FOXP2: variants seen among roughly 807,000 people sequenced by gnomAD.
FOXP2 encodes forkhead box P2.
In FOXP2, 12 loss-of-function variants were observed where a neutral mutation model predicts 115.8. That is an observed-to-expected ratio of 0.10 (90% confidence interval 0.07 to 0.17). The LOEUF (loss-of-function observed/expected upper bound fraction) is 0.17, where lower values mean the gene tolerates loss of function less well. FOXP2 is among the 10% of genes least tolerant of loss of function. The pLI, the probability that FOXP2 is intolerant of heterozygous loss-of-function variation, is 1.00. For synonymous variants in FOXP2, 328 were observed against 297.7 expected (o/e 1.10, Z -1.05); for missense variants, 629 against 843.5 (o/e 0.75, Z 3.15).
intron 2 of FOXP2, among the ~76,000 whole-genome samples, chr7:114,508,396 A>C (rs1797923477): frequency 1.3e-5 from 2 of 152,044 alleles, no homozygotes; most frequent in South Asian, 4.1e-4. Flanking sequence ...GTGAGCCAAT[A>C]ACTGGGGACA....
intron 3 of FOXP2, among the ~76,000 whole-genome samples, chr7:114,546,490 G>A (rs1055123087): frequency 6.6e-6 from 1 of 152,068 alleles, no homozygotes; most frequent in Non-Finnish European, 1.5e-5. Context: ...AAATGAATAG[G>A]TTGTTTTACA....
intron 1 of FOXP2, among the ~76,000 whole-genome samples, chr7:114,096,409 C>A (rs1799652905): frequency 6.6e-6 from 1 of 152,148 alleles, no homozygotes; most frequent in Non-Finnish European, 1.5e-5. Context: ...GAAAAGTATG[C>A]CTTTAAGTTG....
chr7:114,652,088 C>T, intron 8 of FOXP2, 115 bp from the exon 9 acceptor site: 5 of 914,274 alleles, frequency 5.5e-6, no homozygotes, highest in Non-Finnish European at 8.9e-6. Flanking sequence ...TCAAGGCTTT[C>T]TGTTTTCCCA....
At chr7:114,203,099 T>G (rs1015189019) in intron 1 of FOXP2, among the ~76,000 whole-genome samples, 2 of 151,784 alleles carry the variant, frequency 1.3e-5, no homozygotes, top group African/African-American at 4.8e-5. Context: ...AGATCCTCTT[T>G]CCTCTGGATG....
At position 114,691,144 on chromosome 7, in the gene FOXP2, C is replaced by T; in HGVS notation, c.*1218C>T. ...ATTGCATATTGTTATATATATAGTA[C>T]TTTGTGTTTTTGTTTTCCCTCATTC... On this transcript the variant is annotated 3_prime_UTR_variant, in exon 17 of 17. Transcript: ENST00000350908. 1 of 453,928 alleles carries T rather than the reference C, an allele frequency of 2.2e-6. No homozygotes were observed. The highest frequency in any genetic ancestry group is 4.4e-6 in the Non-Finnish European group (1 of 226,740). The allele number at this position is 453,928 out of a possible 1,614,324, so 28.1% of individuals were successfully genotyped here. A position where few individuals can be genotyped will look rare whatever the true frequency, so the allele number is the denominator to read the frequency against.
chr7:114,679,688 C>G (rs562105620), intron 16 of FOXP2, among the ~76,000 whole-genome samples: 2 of 152,034 alleles, frequency 1.3e-5, no homozygotes, highest in Admixed American at 1.3e-4. Flanking sequence ...TCTCCATTTT[C>G]CCTATTTCTA....
At chr7:114,674,494 T>G in intron 16 of FOXP2, among the ~76,000 whole-genome samples, 1 of 152,362 alleles carries the variant, frequency 6.6e-6, no homozygotes, top group East Asian at 1.9e-4. Context: ...ACTGTCCTAC[T>G]GGCAGCTACT....
intron 9 of FOXP2, among the ~76,000 whole-genome samples, chr7:114,653,041 T>C (rs1438603316): frequency 6.6e-6 from 1 of 152,150 alleles, no homozygotes; most frequent in Non-Finnish European, 1.5e-5. Context: ...CTTTTCTCAA[T>C]GAAACTAATA....
At chr7:114,323,014 T>C (rs2396722) in intron 2 of FOXP2, among the ~76,000 whole-genome samples, 67,935 of 151,934 alleles carry the variant, frequency 0.45, 15,704 homozygotes, top group African/African-American at 0.55. Context: ...CCTAACTCAT[T>C]AATATTCTTA....
chr7:114,127,715 G>T (rs16869678), intron 1 of FOXP2, among the ~76,000 whole-genome samples: 22,261 of 152,050 alleles, frequency 0.15, 2,189 homozygotes, highest in East Asian at 0.39. Flanking sequence ...TTCATAAACT[G>T]CATAGAGATC....
At chr7:114,292,507 C>G (rs1480682510) in intron 2 of FOXP2, among the ~76,000 whole-genome samples, 1 of 152,098 alleles carries the variant, frequency 6.6e-6, no homozygotes, top group East Asian at 1.9e-4. Flanking sequence ...TCTCTTTACT[C>G]TGATATGTAT....
intron 16 of FOXP2, among the ~76,000 whole-genome samples, chr7:114,677,172 C>CAAAAAAAAAAAAA (rs538753120): frequency 1.9e-5 from 1 of 52,904 alleles, no homozygotes. Flanking sequence ...TCTCAAAAAA[C>CAAAAAAAAAAAAA]AAAAAAAAAA....
At chr7:114,526,172 TAA>T (rs3028251) in intron 2 of FOXP2, among the ~76,000 whole-genome samples, 2 of 79,730 alleles carry the variant, frequency 2.5e-5, no homozygotes, top group African/African-American at 5.3e-5. Context: ...GTTTCTTTAT[TAA>T]AAAAAAAAAA....
At chr7:114,628,799 C>G (rs1001040171) in intron 4 of FOXP2, 122 bp downstream of exon 4, 2 of 1,178,398 alleles carry the variant, frequency 1.7e-6, no homozygotes, top group South Asian at 1.3e-5. Flanking sequence ...TATTAGCGTG[C>G]TAGAACATAA....
chr7:114,508,823 G>C (rs973322656), intron 2 of FOXP2, among the ~76,000 whole-genome samples: 5 of 152,068 alleles, frequency 3.3e-5, no homozygotes, highest in Non-Finnish European at 7.4e-5. Flanking sequence ...CTGAGGGATT[G>C]AGGCAGTAGT....
intron 1 of FOXP2, among the ~76,000 whole-genome samples, chr7:114,257,516 C>T (rs535614670): frequency 3.9e-4 from 55 of 142,204 alleles, no homozygotes; most frequent in Middle Eastern, 4.1e-3. Flanking sequence ...TGCAGTGGCA[C>T]GATCTCAGCT....
chr7:114,276,419 C>A (rs528569876), intron 1 of FOXP2, among the ~76,000 whole-genome samples: 2 of 152,154 alleles, frequency 1.3e-5, no homozygotes, highest in South Asian at 4.1e-4. Context: ...CCCATCTCAA[C>A]CTCCCAATGT....
chr7:114,347,251 T>C (rs917055825), intron 2 of FOXP2, among the ~76,000 whole-genome samples: 8 of 151,972 alleles, frequency 5.3e-5, no homozygotes, highest in Admixed American at 2.6e-4. Flanking sequence ...TTCAGGGGCT[T>C]CCTTTGAAGG....
intron 2 of FOXP2, among the ~76,000 whole-genome samples, chr7:114,408,533 C>G (rs149069790): frequency 6.6e-6 from 1 of 152,036 alleles, no homozygotes; most frequent in Admixed American, 6.6e-5. Context: ...TCCAGACCAG[C>G]CTGGCCAATA....
Sources: allele counts gnomAD v4.1 joint callset (sites outside exome capture counted in the v4.1 genomes callset), GRCh38; gene constraint gnomAD v4.1.1; transcripts MANE v1.5; gene names NCBI Gene and HGNC (gene_info 2026-07-23, HGNC 2026-07-21).